Variants in ZFX observed in about 807,000 individuals in gnomAD.
ZFX encodes zinc finger X-chromosomal protein.
For missense variants in ZFX, 362 were observed against 628.3 expected (o/e 0.58, Z 4.53); for synonymous variants, 196 against 226.8 (o/e 0.86, Z 1.22).
chrX:24,157,288 A>G (rs987084580), intron 3 of ZFX, among the ~76,000 whole-genome samples: 1 of 112,144 alleles, frequency 8.9e-6, no homozygotes, highest in Non-Finnish European at 1.9e-5. Flanking sequence ...TTGCTGATGT[A>G]TAAGGATCAC....
At chrX:24,168,111 G>C (rs1934181508) in intron 3 of ZFX, among the ~76,000 whole-genome samples, 2 of 112,226 alleles carry the variant, frequency 1.8e-5, no homozygotes, top group African/African-American at 6.5e-5. Flanking sequence ...AAGAAATGCA[G>C]CTTAAGAGAG....
At chrX:24,179,957 G>A (rs1935527072) in intron 5 of ZFX, among the ~76,000 whole-genome samples, 187 bp downstream of exon 5, 1 of 111,693 alleles carries the variant, frequency 9.0e-6, no homozygotes, top group African/African-American at 3.3e-5. Flanking sequence ...GCCGGGTGTG[G>A]TGGCTCATGC....
intron 3 of ZFX, among the ~76,000 whole-genome samples, chrX:24,159,887 A>T (rs1933087670): frequency 8.9e-6 from 1 of 111,867 alleles, no homozygotes; most frequent in Admixed American, 9.5e-5. Flanking sequence ...TGTTTCTTTC[A>T]TGATGATAAG....
Position 24,213,381 on chromosome X carries a change from C to T in ZFX, c.*2005C>T, listed in dbSNP as rs1474165733. On this transcript the variant is annotated 3_prime_UTR_variant, in exon 10 of 10. Coordinates refer to ENST00000304543, the MANE Select transcript of ZFX (RefSeq NM_003410.4). ...GAGATTTAGAAATTGTCTTCCCACC[C>T]GATAGCTGCCTTGTCACCTCATTAT... 2 of 112,039 alleles carry T rather than the reference C, an allele frequency of 1.8e-5. No homozygotes were observed. Among genetic ancestry groups the T allele is most frequent in the Admixed American group, 9.5e-5 (1 of 10,539 alleles). The allele number at this position is 112,039 out of a possible 1,213,427, so 9.2% of individuals were successfully genotyped here. A position where few individuals can be genotyped will look rare whatever the true frequency, so the allele number is the denominator to read the frequency against.
chrX:24,171,824 C>T (rs931873361), intron 3 of ZFX, among the ~76,000 whole-genome samples: 9 of 110,071 alleles, frequency 8.2e-5, no homozygotes, highest in African/African-American at 3.0e-4. Flanking sequence ...TTCTGTTACT[C>T]AAGGCACTCA....
In ZFX at chrX:24,212,635, C is replaced by T. The variant is rs914341753; in HGVS notation, c.*1259C>T. 1 of 112,178 alleles carries T rather than the reference C, an allele frequency of 8.9e-6. No individual in the cohort carries two copies. Among genetic ancestry groups the T allele is most frequent in the Non-Finnish European group, 1.9e-5 (1 of 53,186 alleles). The allele number at this position is 112,178 out of a possible 1,213,427, so 9.2% of individuals were successfully genotyped here. ...TCTCTTTGAGAAGCCTGAGAGGGAA[C>T]TCTGTCTTACCTAGTGAGGGGGATG... On this transcript the variant is annotated 3_prime_UTR_variant, in exon 10 of 10. Transcript: ENST00000304543.
chrX:24,163,827 CT>C lies in ZFX; in HGVS notation c.-28-8884del, dbSNP rs1237241505. ...GTGAGCCACTGTGCCCAGGCCCCCT[CT>C]TTTAAAAAAAAGAAAAAAAAAAAAA... is the stretch of plus-strand genomic sequence containing the variant. On this transcript the variant is annotated intron_variant, in intron 3 of 9. Transcript: ENST00000304543. Among the ~76,000 whole-genome samples the C allele has an allele frequency of 1.7e-3, 112 of 66,600 alleles. 1 individual carries two copies. The highest frequency in any genetic ancestry group is 4.2e-3 in the South Asian group (3 of 708). The allele number at this position is 66,600 out of a possible 115,157, so 57.8% of individuals were successfully genotyped here. A position where few individuals can be genotyped will look rare whatever the true frequency, so the allele number is the denominator to read the frequency against.
chrX:24,153,496 C>G lies in ZFX; in HGVS notation c.-29+666C>G, dbSNP rs531712240. Among the ~76,000 whole-genome samples, 125 of 111,537 alleles carry G rather than the reference C, an allele frequency of 1.1e-3. 1 individual carries two copies. Among genetic ancestry groups the G allele is most frequent in the South Asian group, 9.7e-3 (26 of 2,690 alleles). ...CTCTTGCATCATTAACCTCTCTTTA[C>G]AAATATTCCTAGGTTTGCTCATCTT... On this transcript the variant is annotated intron_variant, in intron 3 of 9. Coordinates refer to ENST00000304543, the MANE Select transcript of ZFX (RefSeq NM_003410.4).
rs1055255627 is a variant in ZFX, at chrX:24,214,029, T to C, written c.*2653T>C. 8.9e-6 allele frequency: 1 copy of C among 111,822 alleles called. No homozygotes were observed. Among genetic ancestry groups the C allele is most frequent in the Non-Finnish European group, 1.9e-5 (1 of 53,085 alleles). 9.2% of individuals were successfully genotyped at this position (111,822 alleles called of 1,213,427 possible). A position where few individuals can be genotyped will look rare whatever the true frequency, so the allele number is the denominator to read the frequency against. ...GCACAACATTAAAACCTTTAAAAGGTATTTAAGGGTTTGGTCAAGTGAATA... is the reference window on the plus strand; with the variant it reads ...GCACAACATTAAAACCTTTAAAAGGCATTTAAGGGTTTGGTCAAGTGAATA... On this transcript the variant is annotated 3_prime_UTR_variant, in exon 10 of 10. Coordinates refer to ENST00000304543, the MANE Select transcript of ZFX (RefSeq NM_003410.4).
chrX:24,215,205 C>T lies in ZFX; in HGVS notation c.*3829C>T, dbSNP rs1308555548. 1 of 112,018 alleles carries T rather than the reference C, an allele frequency of 8.9e-6. No homozygotes were observed. The highest frequency in any genetic ancestry group is 1.9e-5 in the Non-Finnish European group (1 of 53,236). 9.2% of individuals were successfully genotyped at this position (112,018 alleles called of 1,213,427 possible). A position where few individuals can be genotyped will look rare whatever the true frequency, so the allele number is the denominator to read the frequency against. ...GGAACACCCAACAAATGACACCTAA[C>T]CTGTCTGTGATCCAACAAGTCCGAT... is the stretch of plus-strand genomic sequence containing the variant. On this transcript the variant is annotated 3_prime_UTR_variant, in exon 10 of 10. Coordinates refer to ENST00000304543, the MANE Select transcript of ZFX (RefSeq NM_003410.4).
rs1159836107 is a variant in ZFX at position 24,157,124 on chromosome X, A to G, written c.-29+4294A>G. ...AGAATAAATACATAGATTCATGTAG[A>G]TAAATGCTAATAGAGCTGGGATTTG... On this transcript the variant is annotated intron_variant, in intron 3 of 9. Transcript: ENST00000304543. Among the ~76,000 whole-genome samples the G allele has an allele frequency of 4.5e-5, 5 of 112,297 alleles. No individual in the cohort carries two copies. The Admixed American group carries it at 4.7e-4, about 11-fold the overall frequency.
chrX:24,206,602 GTCTCAAACTCCTGGTC>G (rs1937603127), intron 5 of ZFX, among the ~76,000 whole-genome samples: 1 of 102,383 alleles, frequency 9.8e-6, no homozygotes, highest in African/African-American at 3.6e-5. Flanking sequence ...GCCCAGCCTG[GTCTCAAACTCCTGGTC>G]TCAAGTGATC....
At position 24,207,805 on chromosome X, in the gene ZFX, A is replaced by G; in HGVS notation, c.890A>G (p.Lys297Arg). 1 of 1,211,703 alleles carries G rather than the reference A, an allele frequency of 8.3e-7. No homozygotes were observed. Among genetic ancestry groups the G allele is most frequent in the Non-Finnish European group, 1.1e-6 (1 of 895,505 alleles). ...QNSSIRVPREKMVYMTVNDSQ... is the reference protein window; with the variant it reads ...QNSSIRVPRERMVYMTVNDSQ... ...AGCAGTATTCGTGTTCCCAGGGAAA[A>G]GATGGTTTATATGACTGTCAATGAC... Residue 297 changes from lysine to arginine, a missense_variant, in exon 7 of 10, where the codon AAG (lysine) becomes AGG (arginine). Transcript: ENST00000304543.
At chrX:24,208,172 A>C (rs967921428) in intron 7 of ZFX, 46 bp from the exon 8 acceptor site, 6 of 1,192,054 alleles carry the variant, frequency 5.0e-6, no homozygotes, top group Non-Finnish European at 6.8e-6. Flanking sequence ...GTTTCCTGTG[A>C]TCTCTGTAAA....
At chrX:24,205,723 G>A (rs1024790204) in intron 5 of ZFX, among the ~76,000 whole-genome samples, 3 of 110,987 alleles carry the variant, frequency 2.7e-5, no homozygotes, top group South Asian at 3.8e-4. Context: ...GTGTGGTGGC[G>A]GGCATCTGTA....
chrX:24,151,193 G>T (rs1338301275), intron 1 of ZFX, among the ~76,000 whole-genome samples: 1 of 112,278 alleles, frequency 8.9e-6, no homozygotes, highest in East Asian at 2.8e-4. Flanking sequence ...CACCGTGCTA[G>T]ATGCTAAGAA....
intron 3 of ZFX, among the ~76,000 whole-genome samples, chrX:24,158,716 A>T (rs1767396725): frequency 9.2e-6 from 1 of 108,195 alleles, no homozygotes. Flanking sequence ...GGCTCACTGC[A>T]ACCTCCGCCT....
intron 4 of ZFX, among the ~76,000 whole-genome samples, chrX:24,175,619 C>T (rs977816058): frequency 9.0e-6 from 1 of 110,942 alleles, no homozygotes; most frequent in Non-Finnish European, 1.9e-5. Flanking sequence ...GCTCTGTTGC[C>T]CAGGCTGGAG....
At chrX:24,166,598 A>AT (rs200600175) in intron 3 of ZFX, among the ~76,000 whole-genome samples, 3 of 111,024 alleles carry the variant, frequency 2.7e-5, no homozygotes, top group Non-Finnish European at 3.8e-5. Flanking sequence ...ACTACTATTG[A>AT]TTTTTTTTAT....
Sources: allele counts gnomAD v4.1 joint callset (sites outside exome capture counted in the v4.1 genomes callset), GRCh38; gene constraint gnomAD v4.1.1; transcripts MANE v1.5; gene names NCBI Gene and HGNC (gene_info 2026-07-23, HGNC 2026-07-21).